ARFGEF1: variants seen among roughly 807,000 people sequenced by gnomAD.
ARFGEF1 encodes the protein brefeldin A-inhibited guanine nucleotide-exchange protein 1.
Under a neutral mutation model 231.0 loss-of-function variants are expected in ARFGEF1, and 42 were observed. That is an observed-to-expected ratio of 0.18 (90% CI 0.14 to 0.24). The LOEUF is 0.24. Ranked by LOEUF, ARFGEF1 falls within the 10% of genes least tolerant of loss-of-function variation. The pLI, the probability that ARFGEF1 is intolerant of heterozygous loss-of-function variation, is 1.00. For synonymous variants in ARFGEF1, 710 were observed against 732.3 expected (o/e 0.97, Z 0.49); for missense variants, 1,345 against 2,192.0 (o/e 0.61, Z 7.72).
chr8:67,243,372 G>A (rs1414451329), intron 19 of ARFGEF1, among the ~76,000 whole-genome samples: 5 of 152,218 alleles, frequency 3.3e-5, no homozygotes, highest in Non-Finnish European at 7.3e-5. Context: ...GCAAGGAGGA[G>A]CAAAATCATG....
intron 34 of ARFGEF1, 35 bp from the exon 35 acceptor site, chr8:67,204,854 A>G: frequency 6.2e-7 from 1 of 1,608,546 alleles, no homozygotes; most frequent in Non-Finnish European, 8.5e-7. Flanking sequence ...ACATGCAAAC[A>G]AAAAATTATT....
intron 34 of ARFGEF1, among the ~76,000 whole-genome samples, chr8:67,209,874 C>T (rs1476592507): frequency 2.0e-5 from 3 of 151,284 alleles, no homozygotes; most frequent in East Asian, 2.0e-4. Flanking sequence ...GTGCTCCTGC[C>T]GGGCACGGTG....
intron 29 of ARFGEF1, among the ~76,000 whole-genome samples, chr8:67,222,043 T>G (rs1046685983): frequency 1.0e-3 from 150 of 150,494 alleles, no homozygotes; most frequent in African/African-American, 3.5e-3. Flanking sequence ...TCGATCTCCT[T>G]TCCTCGTGAT....
chr8:67,206,182 G>A (rs1048295474), intron 34 of ARFGEF1, among the ~76,000 whole-genome samples: 3 of 152,034 alleles, frequency 2.0e-5, no homozygotes, highest in Admixed American at 6.6e-5. Context: ...GGCCAAGGCA[G>A]GTGGATTGCC....
At position 67,232,579 on chromosome 8, in the gene ARFGEF1, T is replaced by C. The variant is rs139874138; in HGVS notation, c.3380+276A>G. Among the ~76,000 whole-genome samples the C allele has an allele frequency of 3.9e-3, 594 of 152,066 alleles. 6 individuals are homozygous for C. Among genetic ancestry groups the C allele is most frequent in the African/African-American group, 0.013 (529 of 41,540 alleles). ...AAGTTTTCTACGAGAAAATAAAACA[T>C]TTGTATTCTTTTCCATCGAGGTTAC... On this transcript the variant is annotated intron_variant, in intron 23 of 38. Transcript: ENST00000262215.
At chr8:67,275,911 T>G in intron 9 of ARFGEF1, 65 bp downstream of exon 9, 2 of 1,585,268 alleles carry the variant, frequency 1.3e-6, no homozygotes, top group Non-Finnish European at 1.7e-6. Context: ...ATCCAAACAT[T>G]ACCTTAACAG....
chr8:67,225,959 A>G, intron 28 of ARFGEF1, 64 bp downstream of exon 28: 1 of 1,453,402 alleles, frequency 6.9e-7, no homozygotes, highest in South Asian at 1.5e-5. Context: ...ATTCCCAAAC[A>G]AACTTAAGAT....
intron 23 of ARFGEF1, among the ~76,000 whole-genome samples, chr8:67,232,125 C>T (rs979143179): frequency 1.3e-5 from 2 of 151,926 alleles, no homozygotes; most frequent in African/African-American, 4.8e-5. Flanking sequence ...AATGGATCAG[C>T]ATGAGTTTCC....
chr8:67,265,512 C>T (rs766451437), intron 14 of ARFGEF1, among the ~76,000 whole-genome samples: 1 of 152,068 alleles, frequency 6.6e-6, no homozygotes, highest in Non-Finnish European at 1.5e-5. Flanking sequence ...GGAAAACTGA[C>T]TTCACAAGAT....
Position 67,241,432 on chromosome 8 carries a change from AT to A in ARFGEF1, c.2851-1143del, listed in dbSNP as rs546067757. On this transcript the variant is annotated intron_variant, in intron 19 of 38. Coordinates refer to ENST00000262215, the MANE Select transcript of ARFGEF1 (RefSeq NM_006421.5). ...GTGTATCTATTTGGAAGCCTGTGTT[AT>A]ATTTTATACAAGAAGAGATACAAAC... Among the ~76,000 whole-genome samples, 5 of 152,342 alleles carry A rather than the reference AT, an allele frequency of 3.3e-5. No individual in the cohort carries two copies. In the South Asian group the frequency reaches 1.0e-3, roughly 32 times the overall value.
At chr8:67,229,666 C>T (rs1839491565) in intron 23 of ARFGEF1, among the ~76,000 whole-genome samples, 1 of 151,996 alleles carries the variant, frequency 6.6e-6, no homozygotes, top group African/African-American at 2.4e-5. Flanking sequence ...TATACAACGT[C>T]TACAGAGCTC....
intron 6 of ARFGEF1, 125 bp from the exon 7 acceptor site, chr8:67,288,190 T>C (rs1805841367): frequency 3.8e-6 from 2 of 524,708 alleles, no homozygotes; most frequent in South Asian, 6.8e-5. Context: ...ATAGATAACA[T>C]GAAATTAGAA....
chr8:67,222,262 T>TGTAC (rs1396657428), intron 29 of ARFGEF1, among the ~76,000 whole-genome samples: 1 of 142,606 alleles, frequency 7.0e-6, no homozygotes, highest in Non-Finnish European at 1.5e-5. Flanking sequence ...TATGTATGTA[T>TGTAC]GTATGTATTT....
At chr8:67,285,536 A>G (rs1805720993) in intron 7 of ARFGEF1, among the ~76,000 whole-genome samples, 1 of 152,110 alleles carries the variant, frequency 6.6e-6, no homozygotes, top group South Asian at 2.1e-4. Context: ...ACAAAAAAAA[A>G]CACTGGGTGA....
At chr8:67,270,750 C>T (rs1013582773) in intron 10 of ARFGEF1, among the ~76,000 whole-genome samples, 2 of 146,838 alleles carry the variant, frequency 1.4e-5, no homozygotes, top group African/African-American at 2.5e-5. Flanking sequence ...TAAAGCTGGG[C>T]GCAGTGGCTC....
downstream of ARFGEF1, chr8:67,195,858 G>A (rs1217657615): frequency 2.7e-6 from 1 of 376,594 alleles, no homozygotes; most frequent in Middle Eastern, 7.7e-4. Flanking sequence ...ACTACTATAT[G>A]TGCATTATAT....
At chr8:67,215,350 G>A (rs1397888325) in intron 33 of ARFGEF1, among the ~76,000 whole-genome samples, 1 of 152,156 alleles carries the variant, frequency 6.6e-6, no homozygotes. Context: ...GGATGGACAT[G>A]AATTTTTAGG....
rs763667176 is a variant in ARFGEF1 at position 67,296,448 on chromosome 8, G to A, written c.622C>T (p.Arg208Cys). ...LTQMLNVIFA[R>C]MENQALQEAK... Reference sequence around the variant, plus strand: ...ATACTTACTGCTTGGTTTTCCATGCGTGCAAAGATAACATTTAGCATCTGA... The same window carrying A: ...ATACTTACTGCTTGGTTTTCCATGCATGCAAAGATAACATTTAGCATCTGA... The change falls in exon 5 of 39, where the codon CGC becomes TGC. Residue 208 changes from arginine (R) to cysteine (C), a missense_variant. Arg to Cys is a radical substitution (Grantham distance 180). Transcript: ENST00000262215. 7.4e-6 allele frequency: 12 copies of A among 1,613,646 alleles called. No individual in the cohort carries two copies. The highest frequency in any genetic ancestry group is 4.4e-5 in the South Asian group (4 of 91,052).
chr8:67,313,083 A>C (rs1239999375), intron 1 of ARFGEF1, among the ~76,000 whole-genome samples: 1 of 152,210 alleles, frequency 6.6e-6, no homozygotes, highest in Non-Finnish European at 1.5e-5. Context: ...TTAAATATAA[A>C]AGGTCCAAGC....
Sources: gnomAD v4.1 joint callset for allele counts (sites outside exome capture counted in the v4.1 genomes callset) on GRCh38, gnomAD v4.1.1 for gene constraint, MANE v1.5 for transcripts, NCBI Gene and HGNC (gene_info 2026-07-23, HGNC 2026-07-21) for gene names.